The following NNT variants were observed in gnomAD, a reference collection of about 807,000 sequenced individuals.
The protein encoded by NNT is nicotinamide nucleotide transhydrogenase.
A neutral mutation model predicts 104.8 loss-of-function variants in NNT; 50 were observed. The ratio of observed to expected loss-of-function variants is 0.48; its 90% CI spans 0.38 to 0.60. The LOEUF (loss-of-function observed/expected upper bound fraction) is 0.60, where lower values mean the gene tolerates loss of function less well. Ranked by LOEUF, NNT falls within the 20% of genes least tolerant of loss-of-function variation. The pLI, the probability that NNT is intolerant of heterozygous loss-of-function variation, is 0.00. For missense variants in NNT, 1,131 were observed against 1,330.7 expected, an observed-to-expected ratio of 0.85 and a Z score of 2.33; for synonymous variants, 461 against 490.4, an observed-to-expected ratio of 0.94 and a Z score of 0.79.
At chr5:43,661,776 T>C (rs1028489919) in intron 17 of NNT, among the ~76,000 whole-genome samples, 30 of 152,068 alleles carry the variant, frequency 2.0e-4, no homozygotes, top group African/African-American at 7.2e-4. Flanking sequence ...TTCCATGGTG[T>C]ATATGTGCCA....
Position 43,659,075 on chromosome 5 carries a change from T to C in NNT, c.2455-96T>C, listed in dbSNP as rs1040581617. ...TGGAACTTATATGTAAATATATTAATGGGAAAACTAGAATAATTAAGGAGC... is the reference window on the plus strand; with the variant it reads ...TGGAACTTATATGTAAATATATTAACGGGAAAACTAGAATAATTAAGGAGC... On this transcript the variant is annotated intron_variant, in intron 16 of 21. Coordinates refer to ENST00000344920, the MANE Select transcript of NNT (RefSeq NM_182977.3). The C allele has an allele frequency of 3.3e-6, 4 of 1,226,822 alleles. No homozygotes were observed. The African/African-American group carries it at 4.6e-5, about 14-fold the overall frequency. 76.0% of individuals were successfully genotyped at this position (1,226,822 alleles called of 1,614,324 possible). A position where few individuals can be genotyped will look rare whatever the true frequency, so the allele number is the denominator to read the frequency against.
In NNT at chr5:43,666,408, C is replaced by T. The variant is rs549446134; in HGVS notation, c.2634+7058C>T. Among the ~76,000 whole-genome samples, 665 of 152,286 alleles carry T rather than the reference C, an allele frequency of 4.4e-3. 3 individuals carry two copies. The highest frequency in any genetic ancestry group is 0.01 in the Middle Eastern group (3 of 294). ...GAGCTGGAGACCAGCCCGGCCAACA[C>T]GGCGAAACCCCGTCTCCACCAAAAA... On this transcript the variant is annotated intron_variant, in intron 17 of 21. Coordinates refer to ENST00000344920, the MANE Select transcript of NNT (RefSeq NM_182977.3).
intron 21 of NNT, 49 bp from the exon 22 acceptor site, chr5:43,704,206 C>T: frequency 8.7e-6 from 13 of 1,491,962 alleles, no homozygotes; most frequent in South Asian, 1.4e-5. Flanking sequence ...CTAACATGTC[C>T]TAGGTTGGTC....
intron 6 of NNT, 38 bp downstream of exon 6, chr5:43,624,158 C>T (rs1158191374): frequency 1.5e-5 from 24 of 1,586,574 alleles, no homozygotes; most frequent in East Asian, 2.2e-5. Flanking sequence ...AAGGTAAAAA[C>T]ATTTTGTTTC....
intron 5 of NNT, 127 bp from the exon 6 acceptor site, chr5:43,623,905 C>A: frequency 1.2e-6 from 1 of 841,756 alleles, no homozygotes; most frequent in Non-Finnish European, 2.1e-6. Flanking sequence ...GGCTGATCAT[C>A]ATTATCACCA....
At chr5:43,651,266 G>A (rs10473317) in intron 12 of NNT, among the ~76,000 whole-genome samples, 2,127 of 152,088 alleles carry the variant, frequency 0.014, 49 homozygotes, top group African/African-American at 0.044. Context: ...AATGGAACTG[G>A]CTTGAGTAAT....
intron 6 of NNT, 40 bp downstream of exon 6, chr5:43,624,160 T>C (rs1750239671): frequency 1.3e-6 from 2 of 1,588,692 alleles, no homozygotes; most frequent in Non-Finnish European, 1.7e-6. Context: ...GGTAAAAACA[T>C]TTTGTTTCAG....
chr5:43,662,257 AC>A (rs1255348716), intron 17 of NNT, among the ~76,000 whole-genome samples: 3 of 152,156 alleles, frequency 2.0e-5, no homozygotes, highest in African/African-American at 7.2e-5. Context: ...AGTTATAGCA[AC>A]CATAGTAAGT....
chr5:43,706,693 T>G lies in NNT; in HGVS notation c.*2289T>G, dbSNP rs1350878579. On this transcript the variant is annotated 3_prime_UTR_variant, in exon 22 of 22. Transcript: ENST00000344920. ...ACACGTATGTTTATTGCAGCACTAT[T>G]CACAATAGCAAAGACTTGGAACCAA... The G allele has an allele frequency of 6.6e-6, 1 of 152,228 alleles. No homozygotes were observed. The highest frequency in any genetic ancestry group is 6.5e-5 in the Admixed American group (1 of 15,284). The allele number at this position is 152,228 out of a possible 1,614,324, so 9.4% of individuals were successfully genotyped here.
chr5:43,684,881 A>G (rs909191465), intron 19 of NNT, among the ~76,000 whole-genome samples: 5 of 152,226 alleles, frequency 3.3e-5, no homozygotes, highest in African/African-American at 1.2e-4. Flanking sequence ...ATGTAAAAAA[A>G]TACTGAATAT....
chr5:43,628,241 C>G lies in NNT; in HGVS notation c.818C>G (p.Pro273Arg), dbSNP rs2111690841. ...CAGTTCAAGTCTCTTGGTGCTGAGC[C>G]CTTGGAGGTGGACTTGAAGGAATCT... is the stretch of plus-strand genomic sequence containing the variant. ...LEQFKSLGAE[P>R]LEVDLKESGE... The change falls in exon 7 of 22, where the codon CCC (proline) becomes CGC (arginine). Residue 273 changes from proline (P) to arginine (R), a missense_variant. Coordinates refer to ENST00000344920, the MANE Select transcript of NNT (RefSeq NM_182977.3). 6.8e-6 allele frequency: 11 copies of G among 1,613,618 alleles called. No homozygotes were observed. Among genetic ancestry groups the G allele is most frequent in the Non-Finnish European group, 9.3e-6 (11 of 1,179,858 alleles).
intron 2 of NNT, among the ~76,000 whole-genome samples, chr5:43,610,068 A>G (rs547653775): frequency 2.0e-5 from 3 of 152,184 alleles, no homozygotes; most frequent in South Asian, 2.1e-4. Flanking sequence ...GCTCTTACAG[A>G]GGAAGATCTG....
At chr5:43,672,137 G>T (rs190745822) in intron 17 of NNT, among the ~76,000 whole-genome samples, 1 of 152,236 alleles carries the variant, frequency 6.6e-6, no homozygotes, top group African/African-American at 2.4e-5. Flanking sequence ...AGCTCCATCA[G>T]GTCATTTAAG....
In NNT at chr5:43,617,570, T is replaced by C. The variant is rs565996146; in HGVS notation, c.600-1462T>C. On this transcript the variant is annotated intron_variant, in intron 4 of 21. Coordinates refer to ENST00000344920, the MANE Select transcript of NNT (RefSeq NM_182977.3). Reference sequence around the variant, plus strand: ...TCCGTCTCATTCATACACACAGCCATATTACAGTGAAGATGTGCTACTTCC... The same window carrying C: ...TCCGTCTCATTCATACACACAGCCACATTACAGTGAAGATGTGCTACTTCC... 1.6e-3 allele frequency among the ~76,000 whole-genome samples: 244 copies of C among 152,334 alleles called. 1 individual carries two copies. The highest frequency in any genetic ancestry group is 2.6e-3 in the Non-Finnish European group (180 of 68,024).
intron 19 of NNT, among the ~76,000 whole-genome samples, chr5:43,688,854 G>C (rs1446546486): frequency 6.6e-6 from 1 of 152,180 alleles, no homozygotes; most frequent in African/African-American, 2.4e-5. Context: ...TGCTATAAAC[G>C]TGTGTGCAAA....
At chr5:43,625,626 T>C (rs1750320825) in intron 6 of NNT, among the ~76,000 whole-genome samples, 1 of 152,148 alleles carries the variant, frequency 6.6e-6, no homozygotes, top group Non-Finnish European at 1.5e-5. Context: ...TACAGACAGC[T>C]CATTGCCCAA....
intron 6 of NNT, among the ~76,000 whole-genome samples, chr5:43,627,547 CAGAACTG>C (rs1007692449): frequency 7.2e-5 from 11 of 152,156 alleles, no homozygotes; most frequent in African/African-American, 2.7e-4. Flanking sequence ...ACGTCCACCA[CAGAACTG>C]AGGTGTTTGT....
chr5:43,630,053 A>G (rs1750599477), intron 7 of NNT, among the ~76,000 whole-genome samples: 1 of 152,158 alleles, frequency 6.6e-6, no homozygotes, highest in Admixed American at 6.5e-5. Context: ...TGCCCAAGCC[A>G]GTGTCTAGAA....
rs2111651864 is a variant in NNT at position 43,624,021 on chromosome 5, C to G, written c.688-11C>G. Reference sequence around the variant, plus strand: ...AATGAGCCTTAACACATAACTGGGTCTGTCTTCTAGATTCTGATAGTTGGT... The same window carrying G: ...AATGAGCCTTAACACATAACTGGGTGTGTCTTCTAGATTCTGATAGTTGGT... On this transcript the variant is annotated splice_polypyrimidine_tract_variant and intron_variant, in intron 5 of 21. Coordinates refer to ENST00000344920, the MANE Select transcript of NNT (RefSeq NM_182977.3). The G allele has an allele frequency of 6.2e-7, 1 of 1,613,762 alleles. No individual in the cohort carries two copies. Among genetic ancestry groups the G allele is most frequent in the South Asian group, 1.1e-5 (1 of 91,048 alleles).
Sources: gnomAD v4.1 joint callset for allele counts (sites outside exome capture counted in the v4.1 genomes callset) on GRCh38, gnomAD v4.1.1 for gene constraint, MANE v1.5 for transcripts, NCBI Gene and HGNC (gene_info 2026-07-23, HGNC 2026-07-21) for gene names.